Variants in AKAP4 observed in about 807,000 individuals in gnomAD.
AKAP4 encodes the protein A-kinase anchoring protein 4, also known as A-kinase anchor protein 4.
In AKAP4, 4 loss-of-function variants were observed where a neutral mutation model predicts 42.6. The observed-to-expected ratio is 0.09, with a 90% confidence interval of 0.05 to 0.22. The LOEUF (loss-of-function observed/expected upper bound fraction) is 0.22. Ranked by LOEUF, AKAP4 falls within the 10% of genes least tolerant of loss-of-function variation. The probability of loss-of-function intolerance (pLI) is 1.00; values close to 1 mark genes in which losing one functional copy is unlikely to be tolerated. For synonymous variants in AKAP4, 223 were observed against 233.0 expected (o/e 0.96, Z 0.39); for missense variants, 551 against 630.7 (o/e 0.87, Z 1.35).
chrX:50,198,776 C>T, intron 1 of AKAP4, 24 bp from the exon 2 acceptor site: 1 of 1,134,774 alleles, frequency 8.8e-7, no homozygotes, highest in Non-Finnish European at 1.2e-6. Flanking sequence ...GAAAAGAAAG[C>T]TGAAATGCTT....
Position 50,192,489 on chromosome X carries a change from T to C in AKAP4, c.2224A>G (p.Ile742Val), listed in dbSNP as rs782721380. 6 of 1,211,182 alleles carry C rather than the reference T, an allele frequency of 5.0e-6. No individual in the cohort carries two copies. The highest frequency in any genetic ancestry group is 5.6e-6 in the Non-Finnish European group (5 of 895,282). ...NKPNFRGTRC[I>V]HSGAMPQNYQ... ...TTCTGTGGCATTGCACCACTGTGAA[T>C]GCATCTGGTGCCCCTGAAATTGGGC... Residue 742 changes from isoleucine to valine, a missense_variant, in exon 5 of 6, where the codon ATT becomes GTT. Transcript: ENST00000358526.
At chrX:50,197,940 G>C (rs1935211707) in intron 2 of AKAP4, among the ~76,000 whole-genome samples, 1 of 111,785 alleles carries the variant, frequency 8.9e-6, no homozygotes, top group Non-Finnish European at 1.9e-5. Context: ...ACTTAAATGT[G>C]GAGCTTGTAT....
chrX:50,197,603 AATTAG>A lies in AKAP4; in HGVS notation c.124-14_124-10del, dbSNP rs1935208310. 8.3e-7 allele frequency: 1 copy of A among 1,198,210 alleles called. No individual in the cohort carries two copies. The highest frequency in any genetic ancestry group is 1.8e-5 in the African/African-American group (1 of 56,876). On this transcript the variant is annotated splice_polypyrimidine_tract_variant and intron_variant, in intron 2 of 5. Transcript: ENST00000358526. ...ACATCGACAAAGCATATCTGCATCA[AATTAG>A]AAGGGTGAATTTAGAAAAACTCTAG...
chrX:50,191,091 C>A lies in AKAP4; in HGVS notation c.2434G>T (p.Ala812Ser). ...EKLPQVSAKAAEKGYSVGGLL... is the reference protein window; with the variant it reads ...EKLPQVSAKASEKGYSVGGLL... ...CCTCCTACACTGTACCCCTTCTCTG[C>A]TGCTTTAGCTGAAACCTGAGGAAGC... Residue 812 changes from alanine (A) to serine (S), a missense_variant, in exon 6 of 6, where the codon GCA becomes TCA. Coordinates refer to ENST00000358526, the MANE Select transcript of AKAP4 (RefSeq NM_003886.3). The A allele has an allele frequency of 8.3e-7, 1 of 1,210,415 alleles. No individual in the cohort carries two copies.
At chrX:50,192,111 T>C (rs1247604152) in intron 5 of AKAP4, among the ~76,000 whole-genome samples, 193 bp downstream of exon 5, 2 of 111,585 alleles carry the variant, frequency 1.8e-5, no homozygotes, top group Non-Finnish European at 3.8e-5. Flanking sequence ...TTGGTGGAAA[T>C]GCACAGGCTT....
At position 50,190,939 on chromosome X, in the gene AKAP4, G is replaced by A. The variant is rs953891635; in HGVS notation, c.*21C>T. ...GGAATGCTGCTAGGGGGGCTAAGATGAAGAGGAGTCAAGGATCAGCTCACA... is the reference window on the plus strand; with the variant it reads ...GGAATGCTGCTAGGGGGGCTAAGATAAAGAGGAGTCAAGGATCAGCTCACA... On this transcript the variant is annotated 3_prime_UTR_variant, in exon 6 of 6. Transcript: ENST00000358526. The A allele has an allele frequency of 1.7e-6, 2 of 1,209,336 alleles. No individual in the cohort carries two copies. Among genetic ancestry groups the A allele is most frequent in the Admixed American group, 4.4e-5 (2 of 45,837 alleles).
At position 50,194,159 on chromosome X, in the gene AKAP4, G is replaced by T; in HGVS notation, c.554C>A (p.Thr185Asn). The T allele has an allele frequency of 8.3e-7, 1 of 1,211,634 alleles. No individual in the cohort carries two copies. Among genetic ancestry groups the T allele is most frequent in the Admixed American group, 2.2e-5 (1 of 46,009 alleles). Residue 185 changes from threonine to asparagine, a missense_variant, in exon 5 of 6, where the codon ACC (threonine) becomes AAC (asparagine). Thr to Asn is a moderately conservative substitution (Grantham distance 65, BLOSUM62 0). Transcript: ENST00000358526. ...AGCTGAAGGACTTTGATTATTGTTGGTGTTTTTAGCTGCTGTCATTTCTAG... is the reference window on the plus strand; with the variant it reads ...AGCTGAAGGACTTTGATTATTGTTGTTGTTTTTAGCTGCTGTCATTTCTAG... The part of the protein sequence containing the change: ...LRLEMTAAKN[T>N]NNNQSPSAPP...
intron 1 of AKAP4, among the ~76,000 whole-genome samples, chrX:50,199,428 A>G (rs1302225208): frequency 9.1e-6 from 1 of 109,997 alleles, no homozygotes; most frequent in Non-Finnish European, 1.9e-5. Flanking sequence ...AGGGAAGACC[A>G]GACCCTGATC....
Position 50,200,883 on chromosome X carries a change from C to T in AKAP4, c.7G>A (p.Ala3Thr), listed in dbSNP as rs1046364716. 8.3e-7 allele frequency: 1 copy of T among 1,206,482 alleles called. No homozygotes were observed. Among genetic ancestry groups the T allele is most frequent in the African/African-American group, 1.8e-5 (1 of 57,105 alleles). Reference protein sequence around the residue: MMAYSDTTMMSDD... With the variant: MMTYSDTTMMSDD... ...CCTACCATTGTAGTATCAGAGTACG[C>T]CATCATGTAGGACCCTGGAATGATG... is the stretch of plus-strand genomic sequence containing the variant. Residue 3 changes from alanine (A) to threonine (T), a missense_variant, in exon 1 of 6, where the codon GCG becomes ACG. Ala to Thr is a moderately conservative substitution (Grantham distance 58). Transcript: ENST00000358526.
chrX:50,195,101 A>G (rs1173213345), intron 4 of AKAP4, among the ~76,000 whole-genome samples: 1 of 112,310 alleles, frequency 8.9e-6, no homozygotes. Flanking sequence ...TAAAGCATAA[A>G]TTCACATATT....
intron 5 of AKAP4, 27 bp downstream of exon 5, chrX:50,192,274 TTTC>T (rs781974728): frequency 2.1e-4 from 233 of 1,130,278 alleles, no homozygotes; most frequent in Non-Finnish European, 2.6e-4. Flanking sequence ...CCATTCCAAC[TTTC>T]TTCTTGTGCC....
intron 1 of AKAP4, chrX:50,200,315 G>T: frequency 1.3e-6 from 1 of 754,404 alleles, no homozygotes; most frequent in East Asian, 1.5e-4. Context: ...ACTGAGAAGT[G>T]CCAAGTTCTT....
Position 50,190,809 on chromosome X carries a change from G to A in AKAP4, c.*151C>T. 2 of 510,421 alleles carry A rather than the reference G, an allele frequency of 3.9e-6. No homozygotes were observed. Among genetic ancestry groups the A allele is most frequent in the East Asian group, 7.9e-5 (2 of 25,278 alleles). 42.1% of individuals were successfully genotyped at this position (510,421 alleles called of 1,213,427 possible). A position where few individuals can be genotyped will look rare whatever the true frequency, so the allele number is the denominator to read the frequency against. ...TTTTTTTTATTTTATTTCCCAGTTT[G>A]TTGACACCTCTTACATTCACAGGCA... On this transcript the variant is annotated 3_prime_UTR_variant, in exon 6 of 6. Coordinates refer to ENST00000358526, the MANE Select transcript of AKAP4 (RefSeq NM_003886.3).
intron 3 of AKAP4, 64 bp downstream of exon 3, chrX:50,197,480 A>T: frequency 9.9e-7 from 1 of 1,014,266 alleles, no homozygotes; most frequent in East Asian, 3.2e-5. Flanking sequence ...CATTCTTCAT[A>T]CTTCACTGAT....
At position 50,193,591 on chromosome X, in the gene AKAP4, G is replaced by A. The variant is rs1557203997; in HGVS notation, c.1122C>T (p.His374=). ...TCAAATCGGACACAATCTCCTTGGT[G>A]TGCCTTAGCAACACCCTCTTCAGGA... is the stretch of plus-strand genomic sequence containing the variant. The part of the protein sequence containing the change: ...SVVLKRVLLR[H]TKEIVSDLID... Residue 374 remains histidine (H), a synonymous_variant, in exon 5 of 6, where the codon CAC becomes CAT. Coordinates refer to ENST00000358526, the MANE Select transcript of AKAP4 (RefSeq NM_003886.3). 4 of 1,211,784 alleles carry A rather than the reference G, an allele frequency of 3.3e-6. No individual in the cohort carries two copies. The South Asian group carries it at 7.0e-5, about 21-fold the overall frequency.
At position 50,196,992 on chromosome X, in the gene AKAP4, C is replaced by T. The variant is rs782037617; in HGVS notation, c.175G>A (p.Asp59Asn). The change falls in exon 4 of 6, where the codon GAT becomes AAT. Residue 59 changes from aspartate (D) to asparagine (N), a missense_variant and splice_region_variant. Transcript: ENST00000358526. ...CCTTCTGAGCTGGAACTAGCAGCAT[C>T]CTATGGAATTAAAGGGTGAGATTCT... Reference protein sequence around the residue: ...TLNVEDKDYKDAASSSSEGNL... With the variant: ...TLNVEDKDYKNAASSSSEGNL... 6.8e-6 allele frequency: 8 copies of T among 1,182,289 alleles called. No individual in the cohort carries two copies. The East Asian group carries it at 2.4e-4, about 35-fold the overall frequency.
Position 50,193,228 on chromosome X carries a change from T to C in AKAP4, c.1485A>G (p.Lys495=). Residue 495 remains lysine (K), a synonymous_variant, in exon 5 of 6, where the codon AAA becomes AAG. Coordinates refer to ENST00000358526, the MANE Select transcript of AKAP4 (RefSeq NM_003886.3). ...DPCKSLTSAE[K]VGEHILKEGL... The stretch of plus-strand genomic sequence containing the variant: ...CCTCTTTGAGAATGTGTTCACCGAC[T>C]TTCTCAGCACTAGTCAGTGACTTGC... 8.3e-7 allele frequency: 1 copy of C among 1,212,083 alleles called. No individual in the cohort carries two copies. Among genetic ancestry groups the C allele is most frequent in the South Asian group, 1.8e-5 (1 of 57,001 alleles).
At position 50,190,931 on chromosome X, in the gene AKAP4, G is replaced by T. The variant is rs782403578; in HGVS notation, c.*29C>A. 8.3e-6 allele frequency: 10 copies of T among 1,205,493 alleles called. No homozygotes were observed. In the Admixed American group the frequency reaches 1.8e-4, roughly 21 times the overall value. On this transcript the variant is annotated 3_prime_UTR_variant, in exon 6 of 6. Coordinates refer to ENST00000358526, the MANE Select transcript of AKAP4 (RefSeq NM_003886.3). ...GCTGGGATGGAATGCTGCTAGGGGGGCTAAGATGAAGAGGAGTCAAGGATC... is the reference window on the plus strand; with the variant it reads ...GCTGGGATGGAATGCTGCTAGGGGGTCTAAGATGAAGAGGAGTCAAGGATC...
rs1430564182 is a variant in AKAP4 at position 50,193,456 on chromosome X, A to G, written c.1257T>C (p.Ala419=). The change falls in exon 5 of 6, where the codon GCT becomes GCC. Residue 419 remains alanine (A), a synonymous_variant. Transcript: ENST00000358526. ...TCAGCATGGCCTCCATGATGTCTGTAGCATTTTGTTTCCACTGGTTGAACA... is the reference window on the plus strand; with the variant it reads ...TCAGCATGGCCTCCATGATGTCTGTGGCATTTTGTTTCCACTGGTTGAACA... The part of the protein sequence containing the change: ...RNLFNQWKQN[A]TDIMEAMLKR... The G allele has an allele frequency of 1.7e-6, 2 of 1,211,999 alleles. No individual in the cohort carries two copies. Among genetic ancestry groups the G allele is most frequent in the African/African-American group, 1.7e-5 (1 of 57,866 alleles).
Sources: allele counts gnomAD v4.1 joint callset (sites outside exome capture counted in the v4.1 genomes callset), GRCh38; gene constraint gnomAD v4.1.1; transcripts MANE v1.5; gene names NCBI Gene and HGNC (gene_info 2026-07-23, HGNC 2026-07-21).